COL17A1: variants seen among roughly 807,000 people sequenced by gnomAD.
COL17A1 encodes collagen type XVII alpha 1 chain.
In COL17A1, 181 loss-of-function variants were observed where a neutral mutation model predicts 218.4. The ratio of observed to expected loss-of-function variants is 0.83; its 90% CI spans 0.73 to 0.94. The LOEUF is 0.94. Among genes scored for constraint, COL17A1 ranks in the 40% least tolerant of loss-of-function variants. The probability of loss-of-function intolerance (pLI) is 0.00; values close to 1 mark genes in which losing one functional copy is unlikely to be tolerated. For synonymous variants in COL17A1, 721 were observed against 731.0 expected, an observed-to-expected ratio of 0.99 and a Z score of 0.22; for missense variants, 1,924 against 1,945.9, an observed-to-expected ratio of 0.99 and a Z score of 0.21.
intron 45 of COL17A1, 77 bp downstream of exon 45, chr10:104,038,329 T>C: frequency 6.3e-7 from 1 of 1,597,314 alleles, no homozygotes; most frequent in Admixed American, 1.7e-5. Flanking sequence ...ATTTCTGTGA[T>C]GATACCACAG....
intron 6 of COL17A1, among the ~76,000 whole-genome samples, chr10:104,073,774 G>A (rs1360891565): frequency 6.6e-6 from 1 of 152,182 alleles, no homozygotes; most frequent in Non-Finnish European, 1.5e-5. Context: ...AGCACACGCA[G>A]TTCCCTTGAA....
rs2086337883 is a variant in COL17A1, at chr10:104,039,623, C to T, written c.2806G>A (p.Gly936Ser). The stretch of plus-strand genomic sequence containing the variant: ...CAGCCCTTACCTGAGGTTGAGAAAC[C>T]TGGGAGGCCTTGCTCGCCTGAGGAA... Reference protein sequence around the residue: ...RGHQGEQGLPGFSTSGSSSFG... With the variant: ...RGHQGEQGLPSFSTSGSSSFG... Residue 936 changes from glycine (G) to serine (S), a missense_variant, in exon 42 of 56, where the codon GGT (glycine) becomes AGT (serine). Transcript: ENST00000648076. 6.2e-7 allele frequency: 1 copy of T among 1,614,054 alleles called. No individual in the cohort carries two copies. The highest frequency in any genetic ancestry group is 8.5e-7 in the Non-Finnish European group (1 of 1,180,034).
intron 9 of COL17A1, among the ~76,000 whole-genome samples, chr10:104,066,756 C>G (rs2086629625): frequency 6.6e-6 from 1 of 152,156 alleles, no homozygotes; most frequent in Non-Finnish European, 1.5e-5. Context: ...TCCCGTAAAT[C>G]CTTATCCAAA....
Position 104,040,357 on chromosome 10 carries a change from C to A in COL17A1, c.2755G>T (p.Asp919Tyr). The A allele has an allele frequency of 6.2e-7, 1 of 1,607,240 alleles. No homozygotes were observed. The highest frequency in any genetic ancestry group is 8.5e-7 in the Non-Finnish European group (1 of 1,173,766). ...GPPGPPGPKGDQGPPGPRGHQ... is the reference protein window; with the variant it reads ...GPPGPPGPKGYQGPPGPRGHQ... ...CCTGATACACTGTTCTCACCTTGGT[C>A]TCCCTTGGGACCTGGGGGGCCAGGT... Residue 919 changes from aspartate to tyrosine, a missense_variant, in exon 40 of 56, where the codon GAC becomes TAC. Transcript: ENST00000648076.
At chr10:104,036,072 A>T in intron 48 of COL17A1, among the ~76,000 whole-genome samples, 1 of 58,746 alleles carries the variant, frequency 1.7e-5, no homozygotes, top group Non-Finnish European at 3.5e-5. Context: ...GAGTATGTGT[A>T]TGGGAGTGTG....
chr10:104,048,006 G>T, intron 30 of COL17A1, 63 bp downstream of exon 30: 1 of 1,588,182 alleles, frequency 6.3e-7, no homozygotes, highest in South Asian at 1.1e-5. Context: ...GGGACTGAGG[G>T]CTGCATGCTG....
At chr10:104,074,097 T>A in intron 6 of COL17A1, 87 bp downstream of exon 6, 1 of 1,599,052 alleles carries the variant, frequency 6.3e-7, no homozygotes, top group Non-Finnish European at 8.6e-7. Flanking sequence ...ACTCATGAGG[T>A]CCCCTACTCC....
At chr10:104,055,657 CA>C (rs1470903260) in intron 18 of COL17A1, 124 bp downstream of exon 18, 4 of 1,358,298 alleles carry the variant, frequency 2.9e-6, no homozygotes, top group South Asian at 2.5e-5. Context: ...TTGAGAGGAT[CA>C]GGGGAGGAGA....
intron 38 of COL17A1, 31 bp downstream of exon 38, chr10:104,041,272 C>T (rs1564673981): frequency 2.5e-6 from 4 of 1,601,484 alleles, no homozygotes; most frequent in Non-Finnish European, 3.4e-6. Context: ...ACCTCCCCCT[C>T]CCACCTCCCA....
At chr10:104,059,857 G>C (rs1589570142) in intron 14 of COL17A1, 139 bp from the exon 15 acceptor site, 2 of 1,050,072 alleles carry the variant, frequency 1.9e-6, no homozygotes, top group East Asian at 5.1e-5. Flanking sequence ...TCTTTCCTGG[G>C]GTTCATCTCC....
At chr10:104,066,823 C>T (rs2086630094) in intron 9 of COL17A1, among the ~76,000 whole-genome samples, 1 of 152,330 alleles carries the variant, frequency 6.6e-6, no homozygotes, top group Non-Finnish European at 1.5e-5. Context: ...CCTATTCCTT[C>T]TAAACAGCAG....
At chr10:104,051,834 C>T (rs956159773) in intron 24 of COL17A1, among the ~76,000 whole-genome samples, 4 of 152,156 alleles carry the variant, frequency 2.6e-5, no homozygotes, top group Non-Finnish European at 4.4e-5. Context: ...GCATCTGGGC[C>T]GCAGTCAGTC....
At position 104,080,743 on chromosome 10, in the gene COL17A1, G is replaced by C. The variant is rs1397166465; in HGVS notation, c.-11-59C>G. On this transcript the variant is annotated intron_variant, in intron 1 of 55. Coordinates refer to ENST00000648076, the MANE Select transcript of COL17A1 (RefSeq NM_000494.4). ...CTTATCATTGTTTTTAGTAATTATAGGTCCCCACTGTTGAAGCTGATAACC... is the reference window on the plus strand; with the variant it reads ...CTTATCATTGTTTTTAGTAATTATACGTCCCCACTGTTGAAGCTGATAACC... 3.3e-5 allele frequency: 52 copies of C among 1,553,864 alleles called. 1 individual carries two copies. The South Asian group carries it at 5.1e-4, about 15-fold the overall frequency.
At position 104,053,045 on chromosome 10, in the gene COL17A1, T is replaced by G; in HGVS notation, c.1925A>C (p.Glu642Ala). The G allele has an allele frequency of 6.2e-7, 1 of 1,614,048 alleles. No individual in the cohort carries two copies. The highest frequency in any genetic ancestry group is 8.5e-7 in the Non-Finnish European group (1 of 1,180,006). ...TTGCCTCTTACCTCTTTCCCCTTTC[T>G]CTCCAGATCCAGGAGGCCCTGCCTC... ...RGEAGPPGSG[E>A]KGERGAAGEP... Residue 642 changes from glutamate to alanine, a missense_variant, in exon 23 of 56, where the codon GAG becomes GCG. By Grantham distance (107) the Glu-to-Ala change is moderately radical. Transcript: ENST00000648076.
At chr10:104,048,238 G>T in intron 29 of COL17A1, 134 bp from the exon 30 acceptor site, 1 of 872,102 alleles carries the variant, frequency 1.1e-6, no homozygotes. Context: ...GGACAGCCCT[G>T]TCTGTCACAC....
At chr10:104,040,234 G>A (rs1209545804) in intron 40 of COL17A1, 117 bp downstream of exon 40, 1 of 936,014 alleles carries the variant, frequency 1.1e-6, no homozygotes, top group Non-Finnish European at 1.8e-6. Context: ...AATGGGATAA[G>A]GCAGAAGGAT....
chr10:104,082,401 T>G (rs74928920), intron 1 of COL17A1, among the ~76,000 whole-genome samples: 1 of 152,210 alleles, frequency 6.6e-6, no homozygotes, highest in Non-Finnish European at 1.5e-5. Flanking sequence ...TTGATACCTC[T>G]GAAAGCCTTC....
At chr10:104,064,689 G>A in intron 9 of COL17A1, 93 bp from the exon 10 acceptor site, 2 of 1,262,572 alleles carry the variant, frequency 1.6e-6, no homozygotes, top group South Asian at 2.6e-5. Flanking sequence ...GGATTTCCTG[G>A]TTTGGGCATT....
intron 25 of COL17A1, 29 bp from the exon 26 acceptor site, chr10:104,050,930 G>T (rs777769057): frequency 6.2e-7 from 1 of 1,614,078 alleles, no homozygotes; most frequent in Admixed American, 1.7e-5. Flanking sequence ...CATGCACACA[G>T]ATGAGTATCC....
Sources: allele counts gnomAD v4.1 joint callset (sites outside exome capture counted in the v4.1 genomes callset), GRCh38; gene constraint gnomAD v4.1.1; transcripts MANE v1.5; gene names NCBI Gene and HGNC (gene_info 2026-07-23, HGNC 2026-07-21).